Variants in TXNRD3 observed in about 807,000 individuals in gnomAD.
TXNRD3 encodes the protein thioredoxin reductase 3, also known as TXNRD3 neighbor gene protein.
In TXNRD3, 68 loss-of-function variants were observed where a neutral mutation model predicts 78.2. The observed-to-expected ratio is 0.87, with a 90% CI of 0.72 to 1.06. The LOEUF (loss-of-function observed/expected upper bound fraction) is 1.06, where lower values mean the gene tolerates loss of function less well. Ranked by LOEUF, TXNRD3 falls within the 50% of genes least tolerant of loss-of-function variation. The pLI is 0.00. For missense variants in TXNRD3, 751 were observed against 809.5 expected (o/e 0.93, Z 0.88); for synonymous variants, 296 against 300.1 (o/e 0.99, Z 0.14).
At chr3:126,648,628 AACTGGCTGTCC>A (rs1161707783) in intron 1 of TXNRD3, among the ~76,000 whole-genome samples, 1 of 152,212 alleles carries the variant, frequency 6.6e-6, no homozygotes, top group East Asian at 1.9e-4. Context: ...ATGCTGAGAA[AACTGGCTGTCC>A]ACTAACAAAA....
At chr3:126,645,619 A>T (rs150829824) in intron 3 of TXNRD3, among the ~76,000 whole-genome samples, 101 of 152,360 alleles carry the variant, frequency 6.6e-4, no homozygotes, top group African/African-American at 2.3e-3. Flanking sequence ...GTAAATAACT[A>T]ATTATAAAAT....
Position 126,642,068 on chromosome 3 carries a change from C to T in TXNRD3, c.676G>A (p.Asp226Asn). ...TATTCCCAGCCAAATTTCCTTGAGT[C>T]ACATAATGCCTGCCCCAAAAGGGCA... The change falls in exon 6 of 16, where the codon GAC becomes AAC. Residue 226 changes from aspartate (D) to asparagine (N), a missense_variant. Transcript: ENST00000524230. 1 of 1,535,682 alleles carries T rather than the reference C, an allele frequency of 6.5e-7. No individual in the cohort carries two copies. The highest frequency in any genetic ancestry group is 8.7e-7 in the Non-Finnish European group (1 of 1,146,724).
chr3:126,637,932 C>CTCTTTTTTTTTTTTTTTTT (rs1444254294), intron 6 of TXNRD3, among the ~76,000 whole-genome samples: 5 of 60,234 alleles, frequency 8.3e-5, no homozygotes, highest in East Asian at 1.4e-3. Flanking sequence ...ATTTCTCTCT[C>CTCTTTTTTTTTTTTTTTTT]TTTTTTTTTT....
At chr3:126,608,945 T>C (rs971377600) in intron 14 of TXNRD3, among the ~76,000 whole-genome samples, 2 of 152,052 alleles carry the variant, frequency 1.3e-5, no homozygotes, top group Admixed American at 6.5e-5. Context: ...AACAACAACA[T>C]AACAAATCTG....
chr3:126,618,664 T>C (rs113643404), intron 12 of TXNRD3, among the ~76,000 whole-genome samples: 12 of 152,194 alleles, frequency 7.9e-5, no homozygotes, highest in African/African-American at 2.6e-4. Flanking sequence ...AAAGATTTTA[T>C]AGGTAAGACC....
Position 126,644,401 on chromosome 3 carries a change from C to G in TXNRD3, c.415G>C (p.Ala139Pro). Residue 139 changes from alanine (A) to proline (P), a missense_variant and splice_region_variant, in exon 4 of 16, where the codon GCA becomes CCA. Transcript: ENST00000524230. The stretch of plus-strand genomic sequence containing the variant: ...TTCTGTAACAAACCACTCTGATATG[C>G]CTATGGTTTAATTACAGGAGAAAGA... 6.5e-7 allele frequency: 1 copy of G among 1,532,696 alleles called. No individual in the cohort carries two copies. The highest frequency in any genetic ancestry group is 8.7e-7 in the Non-Finnish European group (1 of 1,144,202). The allele number at this position is 1,532,696 out of a possible 1,614,324, so 94.9% of individuals were successfully genotyped here.
At chr3:126,641,348 C>A (rs1319640452) in intron 6 of TXNRD3, among the ~76,000 whole-genome samples, 1 of 152,166 alleles carries the variant, frequency 6.6e-6, no homozygotes, top group Non-Finnish European at 1.5e-5. Context: ...CCCCAAAACA[C>A]CATGTTTCCT....
intron 7 of TXNRD3, 83 bp downstream of exon 7, chr3:126,633,826 A>G: frequency 8.3e-7 from 1 of 1,209,650 alleles, no homozygotes; most frequent in Non-Finnish European, 1.1e-6. Flanking sequence ...ACCCCTTAAC[A>G]TGCAACATGA....
chr3:126,643,857 G>T, intron 5 of TXNRD3, 124 bp downstream of exon 5: 5 of 937,084 alleles, frequency 5.3e-6, no homozygotes, highest in East Asian at 2.7e-5. Context: ...AGACTCGCTT[G>T]TTTTCTTATC....
chr3:126,620,276 C>T (rs1381346993), intron 12 of TXNRD3, among the ~76,000 whole-genome samples: 4 of 124,310 alleles, frequency 3.2e-5, no homozygotes, highest in African/African-American at 1.3e-4. Context: ...GCCTGGGCGG[C>T]AGAGCGAGAC....
chr3:126,644,427 A>C (rs2107626777), intron 3 of TXNRD3, 26 bp from the exon 4 acceptor site: 1 of 1,482,552 alleles, frequency 6.7e-7, no homozygotes, highest in East Asian at 2.5e-5. Flanking sequence ...AGGAGAAAGA[A>C]CACTGCAGAA....
chr3:126,654,060 A>C (rs558423229), intron 1 of TXNRD3, among the ~76,000 whole-genome samples: 1 of 152,226 alleles, frequency 6.6e-6, no homozygotes, highest in East Asian at 1.9e-4. Context: ...ATAGTGGTTA[A>C]CCCTGAGGGA....
rs1398483325 is a variant in TXNRD3 at position 126,607,965 on chromosome 3, C to T, written c.1872G>A (p.Thr624=). 10 of 1,501,160 alleles carry T rather than the reference C, an allele frequency of 6.7e-6. No individual in the cohort carries two copies. Among genetic ancestry groups the T allele is most frequent in the South Asian group, 1.3e-5 (1 of 79,298 alleles). The allele number at this position is 1,501,160 out of a possible 1,614,324, so 93.0% of individuals were successfully genotyped here. ...CTGACGACTTTGTGATTTCCAAAGT[C>T]GTGAACACCTGTTCAAGAGAAAGAA... The change falls in exon 16 of 16, where the codon ACG becomes ACA. Residue 624 remains threonine (T), a synonymous_variant. Transcript: ENST00000524230.
intron 1 of TXNRD3, among the ~76,000 whole-genome samples, chr3:126,650,099 G>A (rs533078735): frequency 1.3e-5 from 2 of 152,280 alleles, no homozygotes; most frequent in African/African-American, 4.8e-5. Flanking sequence ...TCAGGACTGG[G>A]GAAACATGGC....
rs1423923068 is a variant in TXNRD3 at position 126,607,885 on chromosome 3, AG to A, written c.*19del. 1 of 1,494,912 alleles carries A rather than the reference AG, an allele frequency of 6.7e-7. No individual in the cohort carries two copies. Among genetic ancestry groups the A allele is most frequent in the East Asian group, 2.5e-5 (1 of 39,958 alleles). The allele number at this position is 1,494,912 out of a possible 1,614,324, so 92.6% of individuals were successfully genotyped here. ...TGAGAGAAATGAGAATATGACAAGGAGAACTAAACAGCAGCAGGCCTAGCCT... is the reference window on the plus strand; with the variant it reads ...TGAGAGAAATGAGAATATGACAAGGAAACTAAACAGCAGCAGGCCTAGCCT... On this transcript the variant is annotated 3_prime_UTR_variant, in exon 16 of 16. Coordinates refer to ENST00000524230, the MANE Select transcript of TXNRD3 (RefSeq NM_052883.3).
Position 126,642,068 on chromosome 3 carries a change from C to A in TXNRD3, c.676G>T (p.Asp226Tyr). 6.5e-7 allele frequency: 1 copy of A among 1,535,676 alleles called. No individual in the cohort carries two copies. Among genetic ancestry groups the A allele is most frequent in the South Asian group, 1.2e-5 (1 of 83,918 alleles). Residue 226 changes from aspartate to tyrosine, a missense_variant, in exon 6 of 16, where the codon GAC becomes TAC. Transcript: ENST00000524230. ...TATTCCCAGCCAAATTTCCTTGAGT[C>A]ACATAATGCCTGCCCCAAAAGGGCA...
intron 10 of TXNRD3, among the ~76,000 whole-genome samples, chr3:126,627,233 A>T (rs1337165407): frequency 2.0e-5 from 3 of 152,250 alleles, no homozygotes; most frequent in Non-Finnish European, 2.9e-5. Context: ...CGATAAAAAG[A>T]ACTACTGATG....
Position 126,607,706 on chromosome 3 carries a change from T to C in TXNRD3, c.*199A>G. 2.7e-6 allele frequency: 1 copy of C among 373,814 alleles called. No individual in the cohort carries two copies. 23.2% of individuals were successfully genotyped at this position (373,814 alleles called of 1,614,324 possible). On this transcript the variant is annotated 3_prime_UTR_variant, in exon 16 of 16. Transcript: ENST00000524230. ...AGGAAGCAGTCCCACTGCTTCTCGC[T>C]GTCAGCAAGACCACAAGGCAGATGC...
intron 11 of TXNRD3, 116 bp from the exon 12 acceptor site, chr3:126,622,014 C>T: frequency 5.0e-6 from 4 of 793,126 alleles, no homozygotes; most frequent in South Asian, 3.2e-5. Context: ...AATTCACGCA[C>T]CTCAGGATAT....
Sources: gnomAD v4.1 joint callset for allele counts (sites outside exome capture counted in the v4.1 genomes callset) on GRCh38, gnomAD v4.1.1 for gene constraint, MANE v1.5 for transcripts, NCBI Gene and HGNC (gene_info 2026-07-23, HGNC 2026-07-21) for gene names.